Variants in SGCD observed in about 807,000 individuals in gnomAD.
SGCD encodes the protein sarcoglycan delta.
Under a neutral mutation model 36.6 loss-of-function variants are expected in SGCD, and 18 were observed. The ratio of observed to expected loss-of-function variants is 0.49; its 90% CI spans 0.34 to 0.73. SGCD has a LOEUF of 0.73. SGCD is among the 30% of genes least tolerant of loss of function. The probability of loss-of-function intolerance (pLI) is 0.01; values close to 1 mark genes in which losing one functional copy is unlikely to be tolerated. For synonymous variants in SGCD, 133 were observed against 130.6 expected (o/e 1.02, Z -0.12); for missense variants, 387 against 346.7 (o/e 1.12, Z -0.92).
At chr5:156,339,391 C>T (rs185106369) in intron 2 of SGCD, among the ~76,000 whole-genome samples, 1 of 152,250 alleles carries the variant, frequency 6.6e-6, no homozygotes, top group Admixed American at 6.5e-5. Flanking sequence ...TTGTATGTGC[C>T]TTTGGAAAAA....
chr5:156,169,471 A>C (rs760443085), intron 3 of SGCD, among the ~76,000 whole-genome samples: 1 of 152,228 alleles, frequency 6.6e-6, no homozygotes, highest in Non-Finnish European at 1.5e-5. Context: ...AAAATCAACA[A>C]TATTAATGCC....
intron 1 of SGCD, among the ~76,000 whole-genome samples, chr5:156,079,203 C>G (rs1397470959): frequency 6.6e-6 from 1 of 152,004 alleles, no homozygotes; most frequent in Non-Finnish European, 1.5e-5. Context: ...AACCAGATCT[C>G]TTGGGTATTC....
At chr5:155,944,587 G>T (rs879830606) in intron 1 of SGCD, among the ~76,000 whole-genome samples, 1 of 152,184 alleles carries the variant, frequency 6.6e-6, no homozygotes, top group East Asian at 1.9e-4. Context: ...AATCAGCGCT[G>T]TTGTTACAGT....
chr5:155,933,500 C>A (rs1442539898), intron 1 of SGCD, among the ~76,000 whole-genome samples: 1 of 152,142 alleles, frequency 6.6e-6, no homozygotes, highest in Non-Finnish European at 1.5e-5. Flanking sequence ...GCTTTTAGAA[C>A]AGAGCCTGGC....
chr5:156,227,295 A>G (rs1459576300), intron 3 of SGCD, among the ~76,000 whole-genome samples: 1 of 152,096 alleles, frequency 6.6e-6, no homozygotes, highest in Non-Finnish European at 1.5e-5. Flanking sequence ...AGAGATGAGG[A>G]TCCAGTTTTA....
At chr5:155,868,452 T>C (rs1250550273), upstream of SGCD, among the ~76,000 whole-genome samples, 1 of 149,804 alleles carries the variant, frequency 6.7e-6, no homozygotes, top group Non-Finnish European at 1.5e-5. Flanking sequence ...GCAATCCTCT[T>C]GCCTCAGACT....
chr5:156,152,607 C>T (rs1475170012), intron 3 of SGCD, among the ~76,000 whole-genome samples: 2 of 151,608 alleles, frequency 1.3e-5, no homozygotes, highest in African/African-American at 2.4e-5. Context: ...GCATACTTCA[C>T]CCATTTCTAA....
At position 156,357,002 on chromosome 5, in the gene SGCD, CTT is replaced by C. The variant is rs371724323; in HGVS notation, c.192+12327_192+12328del. ...GGGCTTGGAATTCTGGCTTCTAGAACTTTGAGAAAATTTATATTGTTTTAAGC... is the reference window on the plus strand; with the variant it reads ...GGGCTTGGAATTCTGGCTTCTAGAACTGAGAAAATTTATATTGTTTTAAGC... On this transcript the variant is annotated intron_variant, in intron 3 of 8. Coordinates refer to ENST00000337851, the MANE Select transcript of SGCD (RefSeq NM_000337.6). Among the ~76,000 whole-genome samples the C allele has an allele frequency of 2.6e-3, 403 of 152,246 alleles. 5 individuals are homozygous for C. The highest frequency in any genetic ancestry group is 9.3e-3 in the African/African-American group (388 of 41,538).
intron 4 of SGCD, among the ~76,000 whole-genome samples, chr5:156,587,064 A>G (rs1760525921): frequency 6.6e-6 from 1 of 152,190 alleles, no homozygotes; most frequent in South Asian, 2.1e-4. Flanking sequence ...GAGTTGTTAT[A>G]AAGCCTAAAT....
chr5:156,753,168 C>T (rs1245577908), intron 7 of SGCD, among the ~76,000 whole-genome samples: 2 of 152,198 alleles, frequency 1.3e-5, no homozygotes, highest in Non-Finnish European at 2.9e-5. Context: ...CACAAGCCCA[C>T]CAGGTGATTC....
At chr5:156,376,653 T>C (rs990188228) in intron 3 of SGCD, among the ~76,000 whole-genome samples, 1 of 151,370 alleles carries the variant, frequency 6.6e-6, no homozygotes, top group Non-Finnish European at 1.5e-5. Flanking sequence ...GTGCATCAGA[T>C]TTTTTTTTAT....
chr5:156,370,499 T>C (rs1770326056), intron 3 of SGCD, among the ~76,000 whole-genome samples: 1 of 152,072 alleles, frequency 6.6e-6, no homozygotes, highest in African/African-American at 2.4e-5. Flanking sequence ...ATTTTCAGAG[T>C]TTGTACATGA....
intron 4 of SGCD, among the ~76,000 whole-genome samples, chr5:156,522,172 A>G (rs572568712): frequency 1.3e-5 from 2 of 152,164 alleles, no homozygotes; most frequent in Admixed American, 1.3e-4. Context: ...GGCAGGGAAC[A>G]TCACACACCA....
chr5:156,578,132 G>C (rs185386075), intron 4 of SGCD, among the ~76,000 whole-genome samples: 379 of 152,284 alleles, frequency 2.5e-3, no homozygotes, highest in Middle Eastern at 6.8e-3. Context: ...AAGGGCTGTT[G>C]AATTTTGTCA....
At chr5:155,817,862 T>A in the SGCD span, among the ~76,000 whole-genome samples, 1 of 152,212 alleles carries the variant, frequency 6.6e-6, no homozygotes, top group Non-Finnish European at 1.5e-5. Flanking sequence ...GAATGAACAT[T>A]AACATTGTTT....
intron 3 of SGCD, among the ~76,000 whole-genome samples, chr5:156,142,121 G>A (rs1762596233): frequency 6.6e-6 from 1 of 152,158 alleles, no homozygotes; most frequent in Non-Finnish European, 1.5e-5. Context: ...GTTCCCATGA[G>A]ATATGTTGTT....
At chr5:156,758,141 C>T (rs1239731596) in intron 8 of SGCD, 2 of 300,402 alleles carry the variant, frequency 6.7e-6, no homozygotes, top group Non-Finnish European at 9.9e-6. Context: ...GCTGTCCCAA[C>T]CAGAACAAGC....
rs1757520486 is a variant in SGCD, at chr5:156,762,740, G to T, written c.*3350G>T. ...ACTACAGCAGCAGGATGGAGTAGTT[G>T]TGTCAGAGACTATGTATCCCACAAA... On this transcript the variant is annotated 3_prime_UTR_variant, in exon 9 of 9. Transcript: ENST00000337851. The T allele has an allele frequency of 1.3e-5, 2 of 152,598 alleles. No individual in the cohort carries two copies. Among genetic ancestry groups the T allele is most frequent in the African/African-American group, 4.8e-5 (2 of 41,446 alleles). 9.5% of individuals were successfully genotyped at this position (152,598 alleles called of 1,614,324 possible). A position where few individuals can be genotyped will look rare whatever the true frequency, so the allele number is the denominator to read the frequency against.
intron 1 of SGCD, among the ~76,000 whole-genome samples, chr5:155,879,141 C>T (rs1755824318): frequency 6.6e-6 from 1 of 152,054 alleles, no homozygotes. Context: ...GCCCGCTTGC[C>T]ATGCCATAGA....
Sources: gnomAD v4.1 joint callset for allele counts (sites outside exome capture counted in the v4.1 genomes callset) on GRCh38, gnomAD v4.1.1 for gene constraint, MANE v1.5 for transcripts, NCBI Gene and HGNC (gene_info 2026-07-23, HGNC 2026-07-21) for gene names.